GRID1: variants seen among roughly 807,000 people sequenced by gnomAD.
GRID1 encodes the protein glutamate receptor ionotropic, delta-1.
A neutral mutation model predicts 98.0 loss-of-function variants in GRID1; 28 were observed. The ratio of observed to expected loss-of-function variants is 0.29; its 90% CI spans 0.21 to 0.39. The LOEUF is 0.39. Among genes scored for constraint, GRID1 ranks in the 10% least tolerant of loss-of-function variants. The pLI is 1.00. For missense variants in GRID1, 1,111 were observed against 1,340.5 expected (o/e 0.83, Z 2.67); for synonymous variants, 553 against 538.5 (o/e 1.03, Z -0.37).
chr10:85,679,851 G>A (rs749230765), intron 12 of GRID1, among the ~76,000 whole-genome samples: 36 of 152,252 alleles, frequency 2.4e-4, no homozygotes, highest in African/African-American at 7.7e-4. Context: ...ACACTCCAGC[G>A]CCTGCCCTGA....
At position 86,337,904 on chromosome 10, in the gene GRID1, C is replaced by T. The variant is rs190129875; in HGVS notation, c.235+26037G>A. On this transcript the variant is annotated intron_variant, in intron 2 of 15. Coordinates refer to ENST00000327946, the MANE Select transcript of GRID1 (RefSeq NM_017551.3). ...TGTATTATTAGTAGAGACAGGGTTTCGCCATGTTGGCCAGGCTGGTCTCAA... is the reference window on the plus strand; with the variant it reads ...TGTATTATTAGTAGAGACAGGGTTTTGCCATGTTGGCCAGGCTGGTCTCAA... 8.1e-3 allele frequency among the ~76,000 whole-genome samples: 1,231 copies of T among 152,052 alleles called. 18 individuals carry two copies. Among genetic ancestry groups the T allele is most frequent in the African/African-American group, 0.028 (1,159 of 41,470 alleles).
At chr10:86,347,935 C>T (rs958522362) in intron 2 of GRID1, among the ~76,000 whole-genome samples, 13 of 152,156 alleles carry the variant, frequency 8.5e-5, no homozygotes, top group African/African-American at 2.9e-4. Flanking sequence ...GGCAGAAACC[C>T]CTATGTGCCA....
intron 8 of GRID1, among the ~76,000 whole-genome samples, chr10:85,808,820 C>T (rs940697281): frequency 4.0e-5 from 6 of 151,790 alleles, no homozygotes; most frequent in African/African-American, 9.7e-5. Flanking sequence ...GTCCAGGAAA[C>T]GTAAAAATGT....
chr10:85,819,514 AGG>A (rs1172623776), intron 8 of GRID1, among the ~76,000 whole-genome samples: 6 of 152,216 alleles, frequency 3.9e-5, no homozygotes, highest in Admixed American at 3.3e-4. Flanking sequence ...CAGGCAATCA[AGG>A]TTAACATCAT....
At chr10:85,706,530 T>C (rs1841520604) in intron 12 of GRID1, among the ~76,000 whole-genome samples, 1 of 152,120 alleles carries the variant, frequency 6.6e-6, no homozygotes, top group South Asian at 2.1e-4. Context: ...AAAATGGCCA[T>C]ACTGCCCAAG....
At position 85,646,959 on chromosome 10, in the gene GRID1, A is replaced by G; in HGVS notation, c.2193+243T>C. The stretch of plus-strand genomic sequence containing the variant: ...ATGAGCCCATGAGGAGGGTGGGCCA[A>G]AAGTCAGGCTTAATCTGCCTGCTCC... On this transcript the variant is annotated intron_variant, in intron 13 of 15. Coordinates refer to ENST00000327946, the MANE Select transcript of GRID1 (RefSeq NM_017551.3). 5.5e-6 allele frequency: 3 copies of G among 543,940 alleles called. No individual in the cohort carries two copies. In the East Asian group the frequency reaches 9.3e-5, roughly 17 times the overall value. The allele number at this position is 543,940 out of a possible 1,614,324, so 33.7% of individuals were successfully genotyped here. A position where few individuals can be genotyped will look rare whatever the true frequency, so the allele number is the denominator to read the frequency against.
At chr10:85,806,455 T>A (rs1164519935) in intron 8 of GRID1, among the ~76,000 whole-genome samples, 1 of 152,168 alleles carries the variant, frequency 6.6e-6, no homozygotes. Flanking sequence ...ACCCTAGATA[T>A]TTAATTAAGA....
intron 3 of GRID1, among the ~76,000 whole-genome samples, chr10:86,187,140 G>A (rs1017725664): frequency 6.6e-6 from 1 of 152,184 alleles, no homozygotes. Flanking sequence ...CATTGGGGGC[G>A]GGGCGGGGCT....
At chr10:86,229,313 C>G (rs1420635851) in intron 2 of GRID1, among the ~76,000 whole-genome samples, 2 of 152,030 alleles carry the variant, frequency 1.3e-5, no homozygotes. Flanking sequence ...CTGAGGCCAC[C>G]AAAACACCAG....
At chr10:85,858,617 A>T (rs1484759697) in intron 6 of GRID1, among the ~76,000 whole-genome samples, 1 of 152,222 alleles carries the variant, frequency 6.6e-6, no homozygotes, top group Non-Finnish European at 1.5e-5. Flanking sequence ...CAAGCCATTT[A>T]GAATTGGTTT....
chr10:86,267,057 G>A (rs375320046), intron 2 of GRID1, among the ~76,000 whole-genome samples: 4 of 152,174 alleles, frequency 2.6e-5, no homozygotes, highest in South Asian at 2.1e-4. Context: ...TCAGCATCAC[G>A]TCACGGCATG....
chr10:86,176,606 G>A (rs1845579565), intron 3 of GRID1, among the ~76,000 whole-genome samples: 1 of 152,230 alleles, frequency 6.6e-6, no homozygotes, highest in African/African-American at 2.4e-5. Flanking sequence ...AAAGGGTCCT[G>A]GATATGAAGC....
intron 2 of GRID1, among the ~76,000 whole-genome samples, chr10:86,237,139 G>A (rs921382266): frequency 2.0e-5 from 3 of 152,162 alleles, no homozygotes; most frequent in African/African-American, 7.2e-5. Context: ...GCTCCTGGGA[G>A]GAGGTGACAT....
chr10:85,903,578 T>C (rs1841418945), intron 5 of GRID1, among the ~76,000 whole-genome samples: 3 of 152,270 alleles, frequency 2.0e-5, no homozygotes, highest in South Asian at 4.1e-4. Context: ...AAAAAATATA[T>C]ATATATATTG....
intron 13 of GRID1, among the ~76,000 whole-genome samples, chr10:85,632,167 T>C (rs1461482141): frequency 6.6e-6 from 1 of 152,220 alleles, no homozygotes; most frequent in Admixed American, 6.5e-5. Context: ...TGGTCTTGGC[T>C]TGACTGAGCT....
At chr10:85,623,344 T>C (rs534948645) in intron 13 of GRID1, among the ~76,000 whole-genome samples, 159 of 152,320 alleles carry the variant, frequency 1.0e-3, no homozygotes, top group African/African-American at 3.7e-3. Context: ...CCACCCATCA[T>C]GGCCCTGTTG....
intron 4 of GRID1, among the ~76,000 whole-genome samples, chr10:86,003,300 G>A (rs1016138484): frequency 3.3e-5 from 5 of 152,222 alleles, no homozygotes; most frequent in Non-Finnish European, 5.9e-5. Context: ...CCAGGAGAAC[G>A]GGGAGCCCTT....
chr10:86,021,366 C>A (rs1183523469), intron 4 of GRID1, among the ~76,000 whole-genome samples: 1 of 152,134 alleles, frequency 6.6e-6, no homozygotes, highest in Admixed American at 6.5e-5. Context: ...TCAGCAGACA[C>A]CGCCCCTGAT....
intron 9 of GRID1, among the ~76,000 whole-genome samples, chr10:85,728,663 T>C (rs1016677568): frequency 1.3e-5 from 2 of 152,170 alleles, no homozygotes; most frequent in Non-Finnish European, 2.9e-5. Flanking sequence ...GTGAGCGAGG[T>C]GGTCATCTGA....
Sources: gnomAD v4.1 joint callset for allele counts (sites outside exome capture counted in the v4.1 genomes callset) on GRCh38, gnomAD v4.1.1 for gene constraint, MANE v1.5 for transcripts, NCBI Gene and HGNC (gene_info 2026-07-23, HGNC 2026-07-21) for gene names.